The following BOLL variants were observed in gnomAD, a reference collection of about 807,000 sequenced individuals.
The protein encoded by BOLL is protein boule-like.
A neutral mutation model predicts 44.4 loss-of-function variants in BOLL; 23 were observed. The observed-to-expected ratio is 0.52, with a 90% CI of 0.37 to 0.73. The LOEUF is 0.73. Among genes scored for constraint, BOLL ranks in the 30% least tolerant of loss-of-function variants. The pLI is 0.00. For missense variants in BOLL, 287 were observed against 338.3 expected, an observed-to-expected ratio of 0.85 and a Z score of 1.19; for synonymous variants, 97 against 110.8, an observed-to-expected ratio of 0.88 and a Z score of 0.78.
intron 7 of BOLL, among the ~76,000 whole-genome samples, chr2:197,759,933 G>A (rs1228123111): frequency 1.3e-5 from 2 of 152,074 alleles, no homozygotes; most frequent in African/African-American, 4.8e-5. Flanking sequence ...AAACAGCTCC[G>A]GGGACTGCCA....
intron 10 of BOLL, among the ~76,000 whole-genome samples, chr2:197,737,899 C>T (rs546051713): frequency 5.6e-4 from 85 of 152,116 alleles, no homozygotes; most frequent in African/African-American, 2.0e-3. Context: ...TCCTTATAGC[C>T]TGGGCAAGAG....
At chr2:197,769,151 G>GCCTCAATTTCAGAGCCT in intron 6 of BOLL, among the ~76,000 whole-genome samples, 1 of 152,026 alleles carries the variant, frequency 6.6e-6, no homozygotes, top group South Asian at 2.1e-4. Context: ...GCCAGGCTTT[G>GCCTCAATTTCAGAGCCT]GTATCAGGAT....
chr2:197,749,964 C>G (rs933543431), intron 9 of BOLL, among the ~76,000 whole-genome samples: 9 of 152,154 alleles, frequency 5.9e-5, no homozygotes, highest in Non-Finnish European at 1.3e-4. Flanking sequence ...AGAAACCTTA[C>G]AAGCCAGAAG....
At chr2:197,760,681 A>G (rs557344197) in intron 7 of BOLL, among the ~76,000 whole-genome samples, 1 of 152,302 alleles carries the variant, frequency 6.6e-6, no homozygotes, top group East Asian at 1.9e-4. Flanking sequence ...AGAAACTTGG[A>G]AACACAACTA....
chr2:197,747,530 C>G (rs552302928), intron 9 of BOLL, among the ~76,000 whole-genome samples: 3 of 138,560 alleles, frequency 2.2e-5, no homozygotes, highest in African/African-American at 8.2e-5. Flanking sequence ...TTGCAGTGAG[C>G]CGAGATGGCA....
intron 9 of BOLL, among the ~76,000 whole-genome samples, chr2:197,755,196 C>T (rs1351451052): frequency 6.6e-6 from 1 of 152,124 alleles, no homozygotes; most frequent in Non-Finnish European, 1.5e-5. Flanking sequence ...AATGAGATAC[C>T]ATCTCACACC....
chr2:197,755,012 A>G (rs1423433439), intron 9 of BOLL, among the ~76,000 whole-genome samples: 1 of 152,232 alleles, frequency 6.6e-6, no homozygotes, highest in African/African-American at 2.4e-5. Context: ...ACAAAAGTCC[A>G]ATATCCATAA....
chr2:197,742,422 CA>C (rs1423888588), intron 10 of BOLL, among the ~76,000 whole-genome samples: 1 of 152,122 alleles, frequency 6.6e-6, no homozygotes, highest in African/African-American at 2.4e-5. Context: ...CCCAAATGTC[CA>C]ACAACGATAG....
chr2:197,770,081 C>T (rs759223741), intron 6 of BOLL, among the ~76,000 whole-genome samples: 22 of 152,086 alleles, frequency 1.4e-4, no homozygotes, highest in African/African-American at 4.1e-4. Context: ...GGAGGCATCA[C>T]GCTAGCTGAC....
chr2:197,764,081 T>C (rs960972775), intron 7 of BOLL, among the ~76,000 whole-genome samples: 2 of 152,170 alleles, frequency 1.3e-5, no homozygotes, highest in Non-Finnish European at 2.9e-5. Flanking sequence ...TCTTATACAC[T>C]GTTACTAGGA....
At chr2:197,785,534 C>T (rs1376366537), upstream of BOLL, among the ~76,000 whole-genome samples, 1 of 152,152 alleles carries the variant, frequency 6.6e-6, no homozygotes, top group Non-Finnish European at 1.5e-5. The surrounding 1 kb of genome is among the most constrained non-coding windows in gnomAD (Gnocchi z 6.7). Context: ...TCAGACCTTC[C>T]GGTCCTCGCT....
chr2:197,736,610 A>G (rs1687505893), intron 10 of BOLL, among the ~76,000 whole-genome samples: 1 of 152,116 alleles, frequency 6.6e-6, no homozygotes, highest in Non-Finnish European at 1.5e-5. Flanking sequence ...TTATTTTAAA[A>G]TAAAATGTTA....
At chr2:197,739,087 A>G (rs557557013) in intron 10 of BOLL, among the ~76,000 whole-genome samples, 14 of 152,220 alleles carry the variant, frequency 9.2e-5, no homozygotes, top group Admixed American at 3.9e-4. Flanking sequence ...TTTTGTATTG[A>G]GGGCCACTAA....
chr2:197,768,852 TGA>T (rs1054377465), intron 6 of BOLL, among the ~76,000 whole-genome samples: 119 of 150,248 alleles, frequency 7.9e-4, no homozygotes, highest in Middle Eastern at 3.4e-3. Flanking sequence ...CCTAGTTTAT[TGA>T]GAGTTTTTAG....
chr2:197,770,327 C>G (rs1354341728), intron 6 of BOLL, among the ~76,000 whole-genome samples: 2 of 152,106 alleles, frequency 1.3e-5, no homozygotes, highest in East Asian at 3.8e-4. Flanking sequence ...CTTCCTTACA[C>G]CTTATACAAA....
At chr2:197,751,582 A>G (rs1346126298) in intron 9 of BOLL, among the ~76,000 whole-genome samples, 1 of 152,194 alleles carries the variant, frequency 6.6e-6, no homozygotes, top group Non-Finnish European at 1.5e-5. Context: ...ACACCCTCCC[A>G]ATACTAATCC....
intron 9 of BOLL, among the ~76,000 whole-genome samples, chr2:197,744,727 A>G (rs1450433398): frequency 1.3e-5 from 2 of 152,254 alleles, no homozygotes; most frequent in East Asian, 1.9e-4. Flanking sequence ...AGAACTTTGT[A>G]TACCATCTCT....
chr2:197,744,010 C>T (rs1219324838), intron 9 of BOLL, among the ~76,000 whole-genome samples: 4 of 152,080 alleles, frequency 2.6e-5, no homozygotes, highest in East Asian at 3.9e-4. Context: ...GGGGTTTCAC[C>T]GTGTTAGCCA....
chr2:197,756,398 T>C, intron 9 of BOLL, 30 bp downstream of exon 9: 2 of 1,533,482 alleles, frequency 1.3e-6, no homozygotes, highest in African/African-American at 1.4e-5. Context: ...GAGGTAGTTA[T>C]AGATCAATTA....
Sources: allele counts gnomAD v4.1 joint callset (sites outside exome capture counted in the v4.1 genomes callset), GRCh38; gene constraint gnomAD v4.1.1; non-coding constraint Gnocchi (gnomAD v3.1); transcripts MANE v1.5; gene names NCBI Gene and HGNC (gene_info 2026-07-23, HGNC 2026-07-21).